The following STRIP1 variants were observed in gnomAD, a reference collection of about 807,000 sequenced individuals.
The protein encoded by STRIP1 is striatin-interacting protein 1.
In STRIP1, 63 loss-of-function variants were observed where a neutral mutation model predicts 106.2. The ratio of observed to expected loss-of-function variants is 0.59; its 90% confidence interval spans 0.48 to 0.73. The LOEUF (loss-of-function observed/expected upper bound fraction) is 0.73. Among genes scored for constraint, STRIP1 ranks in the 30% least tolerant of loss-of-function variants. The pLI is 0.00. For synonymous variants in STRIP1, 390 were observed against 413.0 expected (o/e 0.94, Z 0.67); for missense variants, 857 against 1,074.8 (o/e 0.80, Z 2.83).
intron 10 of STRIP1, among the ~76,000 whole-genome samples, chr1:110,044,270 G>A (rs563415735): frequency 1.3e-5 from 2 of 152,316 alleles, no homozygotes; most frequent in Admixed American, 6.5e-5. Context: ...TGGGTAAATC[G>A]ATGGATGGGA....
intron 8 of STRIP1, 136 bp downstream of exon 8, chr1:110,041,997 TA>T: frequency 9.4e-7 from 1 of 1,063,684 alleles, no homozygotes; most frequent in Non-Finnish European, 1.3e-6. Context: ...AAAAAGCTGC[TA>T]AAAGGAGATG....
chr1:110,035,096 G>A (rs745586068), intron 1 of STRIP1, among the ~76,000 whole-genome samples: 10 of 152,236 alleles, frequency 6.6e-5, no homozygotes, highest in Non-Finnish European at 1.2e-4. Flanking sequence ...TGGCCTCGAG[G>A]CCCTAGCCCC....
At chr1:110,033,727 T>C (rs1416154310), upstream of STRIP1, among the ~76,000 whole-genome samples, 1 of 152,206 alleles carries the variant, frequency 6.6e-6, no homozygotes, top group Non-Finnish European at 1.5e-5. Context: ...ATATGAACTT[T>C]AGGATTGAGT....
chr1:110,039,980 G>A, intron 5 of STRIP1: 2 of 1,036,906 alleles, frequency 1.9e-6, no homozygotes, highest in South Asian at 2.6e-5. Context: ...CAATGATAAA[G>A]CTAAGACAGC....
chr1:110,037,141 G>A (rs1254627430), intron 1 of STRIP1, among the ~76,000 whole-genome samples: 1 of 152,074 alleles, frequency 6.6e-6, no homozygotes, highest in South Asian at 2.1e-4. Flanking sequence ...GGCCATTGTG[G>A]GTATGTTGTG....
intron 12 of STRIP1, chr1:110,045,333 C>T (rs1182132205): frequency 4.3e-6 from 2 of 469,642 alleles, no homozygotes; most frequent in Non-Finnish European, 7.8e-6. Flanking sequence ...ACCTGACCAC[C>T]GGGCACCAAG....
rs1388133125 is a variant in STRIP1 at position 110,043,664 on chromosome 1, A to G, written c.1094A>G (p.Asp365Gly). The change falls in exon 10 of 21, where the codon GAT becomes GGT. Residue 365 changes from aspartate (D) to glycine (G), a missense_variant. Asp to Gly is a moderately conservative substitution (Grantham distance 94). Coordinates refer to ENST00000369795, the MANE Select transcript of STRIP1 (RefSeq NM_033088.4). ...GCTCTGATAAAGCAGGACAACCTAGATGCCTTCAACGAGCGGGATCCCTAC... is the reference window on the plus strand; with the variant it reads ...GCTCTGATAAAGCAGGACAACCTAGGTGCCTTCAACGAGCGGGATCCCTAC... Reference protein sequence around the residue: ...HKALIKQDNLDAFNERDPYKA... With the variant: ...HKALIKQDNLGAFNERDPYKA... 1 of 1,613,940 alleles carries G rather than the reference A, an allele frequency of 6.2e-7. No individual in the cohort carries two copies. Among genetic ancestry groups the G allele is most frequent in the Non-Finnish European group, 8.5e-7 (1 of 1,179,982 alleles).
rs1653170123 is a variant in STRIP1, at chr1:110,049,156, G to A, written c.1706G>A (p.Arg569His). ...ATGAAGCTGGGGGTGGATGTAAACC[G>A]CCACAAAGAGGTCATTGTTAAGGCC... ...QSMKLGVDVN[R>H]HKEVIVKAIS... Residue 569 changes from arginine to histidine, a missense_variant, in exon 16 of 21, where the codon CGC becomes CAC. Transcript: ENST00000369795. 3 of 1,613,976 alleles carry A rather than the reference G, an allele frequency of 1.9e-6. No individual in the cohort carries two copies. Among genetic ancestry groups the A allele is most frequent in the Admixed American group, 1.7e-5 (1 of 59,994 alleles).
chr1:110,047,458 G>A, intron 13 of STRIP1, 84 bp from the exon 14 acceptor site: 1 of 1,074,924 alleles, frequency 9.3e-7, no homozygotes, highest in Middle Eastern at 2.0e-4. Flanking sequence ...CTGTTTACAG[G>A]TTTTCCTCCA....
intron 20 of STRIP1, 95 bp from the exon 21 acceptor site, chr1:110,053,570 C>CT: frequency 2.0e-6 from 3 of 1,521,708 alleles, no homozygotes; most frequent in Non-Finnish European, 2.7e-6. Flanking sequence ...AGGTATCCTG[C>CT]TCTTAGTTGA....
Position 110,049,140 on chromosome 1 carries a change from G to C in STRIP1, c.1690G>C (p.Gly564Arg). 1 of 1,614,158 alleles carries C rather than the reference G, an allele frequency of 6.2e-7. No individual in the cohort carries two copies. The highest frequency in any genetic ancestry group is 8.5e-7 in the Non-Finnish European group (1 of 1,180,030). Residue 564 changes from glycine to arginine, a missense_variant, in exon 16 of 21, where the codon GGG becomes CGG. Transcript: ENST00000369795. ...PTTVLQSMKL[G>R]VDVNRHKEVI... ...CACAGTGTTGCAGAGCATGAAGCTG[G>C]GGGTGGATGTAAACCGCCACAAAGA...
chr1:110,051,084 A>G, intron 19 of STRIP1, 24 bp downstream of exon 19: 1 of 1,495,788 alleles, frequency 6.7e-7, no homozygotes, highest in Non-Finnish European at 9.3e-7. Context: ...TGTAGTCAGC[A>G]GGCTTGGAAC....
chr1:110,033,655 C>T (rs1207304465), upstream of STRIP1, among the ~76,000 whole-genome samples: 1 of 152,172 alleles, frequency 6.6e-6, no homozygotes, highest in Non-Finnish European at 1.5e-5. Flanking sequence ...AGGGGCCCTA[C>T]CCTGACGATT....
At chr1:110,037,853 T>G (rs755112891) in intron 1 of STRIP1, 38 bp from the exon 2 acceptor site, 1 of 1,417,592 alleles carries the variant, frequency 7.1e-7, no homozygotes, top group Non-Finnish European at 1.0e-6. Flanking sequence ...ATAAATAGAA[T>G]GATCCTTTTT....
chr1:110,038,958 G>GA (rs374541180), intron 3 of STRIP1: 544 of 713,190 alleles, frequency 7.6e-4, no homozygotes, highest in Non-Finnish European at 1.0e-3. Flanking sequence ...TATTAGGGGA[G>GA]AAAAAAAAAT....
chr1:110,040,536 G>A lies in STRIP1; in HGVS notation c.582-99G>A, dbSNP rs957769464. On this transcript the variant is annotated intron_variant, in intron 5 of 20. Transcript: ENST00000369795. ...GTGGCCTCTTGTGCAGTCCAAGCAC[G>A]TATCACAGCATTTTGTTTCCCCATT... 83 of 1,154,810 alleles carry A rather than the reference G, an allele frequency of 7.2e-5. No individual in the cohort carries two copies. The African/African-American group carries it at 9.4e-4, about 13-fold the overall frequency. 71.5% of individuals were successfully genotyped at this position (1,154,810 alleles called of 1,614,324 possible). A position where few individuals can be genotyped will look rare whatever the true frequency, so the allele number is the denominator to read the frequency against.
intron 10 of STRIP1, among the ~76,000 whole-genome samples, chr1:110,044,396 C>G (rs1410609534): frequency 6.6e-6 from 1 of 152,128 alleles, no homozygotes; most frequent in Non-Finnish European, 1.5e-5. Context: ...CCTCAGTTTT[C>G]AGTGATCTGT....
At chr1:110,047,495 T>G in intron 13 of STRIP1, 47 bp from the exon 14 acceptor site, 4 of 1,495,094 alleles carry the variant, frequency 2.7e-6, no homozygotes, top group South Asian at 1.2e-5. Flanking sequence ...GCTCAGGAGA[T>G]TGTATTCTGG....
chr1:110,047,260 T>C (rs768829615), intron 13 of STRIP1, among the ~76,000 whole-genome samples: 9 of 152,220 alleles, frequency 5.9e-5, no homozygotes, highest in Non-Finnish European at 1.3e-4. Flanking sequence ...CACCACTTTA[T>C]GGATGGCAAC....
Sources: gnomAD v4.1 joint callset for allele counts (sites outside exome capture counted in the v4.1 genomes callset) on GRCh38, gnomAD v4.1.1 for gene constraint, MANE v1.5 for transcripts, NCBI Gene and HGNC (gene_info 2026-07-23, HGNC 2026-07-21) for gene names.